The following ADARB2 variants were observed in gnomAD, a reference collection of about 807,000 sequenced individuals.
The protein encoded by ADARB2 is inactive double-stranded RNA-specific editase B2.
ADARB2 carries 25 observed loss-of-function variants against 62.2 expected under a neutral mutation model. The observed-to-expected ratio is 0.40, with a 90% CI of 0.29 to 0.56. ADARB2 has a LOEUF of 0.56. ADARB2 is among the 20% of genes least tolerant of loss of function. The probability of loss-of-function intolerance (pLI) is 0.43; values close to 1 mark genes in which losing one functional copy is unlikely to be tolerated. For missense variants in ADARB2, 1,071 were observed against 1,077.4 expected (o/e 0.99, Z 0.08); for synonymous variants, 572 against 500.8 (o/e 1.14, Z -1.90).
chr10:1,555,761 C>A (rs1832691485), intron 1 of ADARB2, among the ~76,000 whole-genome samples: 1 of 152,074 alleles, frequency 6.6e-6, no homozygotes, highest in Non-Finnish European at 1.5e-5. Context: ...ATGGTGAAAC[C>A]CTGTCTCTAC....
rs1056255276 is a variant in ADARB2 at position 1,423,212 on chromosome 10, C to T, written c.101-44052G>A. Among the ~76,000 whole-genome samples the T allele has an allele frequency of 6.6e-5, 10 of 152,234 alleles. 1 individual carries two copies. Among genetic ancestry groups the T allele is most frequent in the South Asian group, 4.1e-4 (2 of 4,838 alleles). On this transcript the variant is annotated intron_variant, in intron 1 of 9. Coordinates refer to ENST00000381312, the MANE Select transcript of ADARB2 (RefSeq NM_018702.4). ...CCCTCGCTAAGCTGGAGTCCTGGCCCGGGCCCTTGTCCCAGCTTCACGCCA... is the reference window on the plus strand; with the variant it reads ...CCCTCGCTAAGCTGGAGTCCTGGCCTGGGCCCTTGTCCCAGCTTCACGCCA...
intron 1 of ADARB2, among the ~76,000 whole-genome samples, chr10:1,457,416 G>A (rs948764336): frequency 3.9e-5 from 6 of 152,050 alleles, no homozygotes; most frequent in Admixed American, 1.3e-4. Flanking sequence ...TGATGCTCCT[G>A]GGGCCAGGCT....
At chr10:1,710,340 C>G (rs59933330) in intron 1 of ADARB2, among the ~76,000 whole-genome samples, 11,166 of 152,194 alleles carry the variant, frequency 0.073, 769 homozygotes, top group African/African-American at 0.17. Context: ...AGGCTGGGGC[C>G]TTGTGTGACA....
chr10:1,274,576 G>A (rs1294143105), intron 3 of ADARB2, among the ~76,000 whole-genome samples: 1 of 152,114 alleles, frequency 6.6e-6, no homozygotes, highest in Non-Finnish European at 1.5e-5. Flanking sequence ...AGGACATCAG[G>A]ATGGTCTCAG....
At chr10:1,498,775 A>G (rs1363167867) in intron 1 of ADARB2, among the ~76,000 whole-genome samples, 1 of 152,262 alleles carries the variant, frequency 6.6e-6, no homozygotes. Context: ...AATGTTGTTT[A>G]GAAATACATC....
chr10:1,541,113 C>T (rs61831933), intron 1 of ADARB2, among the ~76,000 whole-genome samples: 1,265 of 46,348 alleles, frequency 0.027, 1 homozygote, highest in East Asian at 0.051. Flanking sequence ...CCGTCCAGAC[C>T]CCACTCAGAC....
intron 1 of ADARB2, among the ~76,000 whole-genome samples, chr10:1,510,793 G>C (rs1207072428): frequency 2.0e-5 from 3 of 152,060 alleles, no homozygotes; most frequent in African/African-American, 7.2e-5. Flanking sequence ...AACACTGAAA[G>C]CTTTTGCCAC....
Position 1,509,828 on chromosome 10 carries a change from T to G in ADARB2, c.101-130668A>C, listed in dbSNP as rs1482632750. ...TGAGAGCCTGGCTAGGGATCTTATC[T>G]TAAAGGGGCATCAGCTAAAGCCATG... On this transcript the variant is annotated intron_variant, in intron 1 of 9. Transcript: ENST00000381312. 2.6e-5 allele frequency among the ~76,000 whole-genome samples: 4 copies of G among 152,234 alleles called. No individual in the cohort carries two copies. The South Asian group carries it at 8.3e-4, about 32-fold the overall frequency.
intron 4 of ADARB2, among the ~76,000 whole-genome samples, chr10:1,266,241 G>A (rs986517415): frequency 6.6e-6 from 1 of 152,232 alleles, no homozygotes; most frequent in Non-Finnish European, 1.5e-5. Flanking sequence ...GAGAGCAGCT[G>A]TCTTCGAGGT....
chr10:1,644,291 C>T (rs923494351), intron 1 of ADARB2, among the ~76,000 whole-genome samples: 5 of 152,274 alleles, frequency 3.3e-5, no homozygotes, highest in African/African-American at 9.6e-5. Context: ...GAACAGCACT[C>T]CATCAATGTC....
At chr10:1,269,963 A>T (rs1311051490) in intron 4 of ADARB2, among the ~76,000 whole-genome samples, 1 of 152,188 alleles carries the variant, frequency 6.6e-6, no homozygotes, top group African/African-American at 2.4e-5. Flanking sequence ...TATATACTGG[A>T]TGATGTGTTT....
At chr10:1,592,148 G>A (rs1270524225) in intron 1 of ADARB2, among the ~76,000 whole-genome samples, 1 of 152,194 alleles carries the variant, frequency 6.6e-6, no homozygotes, top group Non-Finnish European at 1.5e-5. Context: ...AGACACCCAG[G>A]ATGGGATAAA....
intron 7 of ADARB2, chr10:1,200,381 T>C (rs1223171218): frequency 5.3e-6 from 3 of 566,702 alleles, no homozygotes; most frequent in African/African-American, 3.8e-5. Flanking sequence ...GCTGCTCTCT[T>C]TTCTGAAAAT....
At chr10:1,617,682 C>G (rs1243344956) in intron 1 of ADARB2, among the ~76,000 whole-genome samples, 1 of 151,170 alleles carries the variant, frequency 6.6e-6, no homozygotes, top group South Asian at 2.1e-4. Flanking sequence ...ACACACTCCA[C>G]ACCGCCCTGC....
At chr10:1,609,134 T>C (rs1451228463) in intron 1 of ADARB2, among the ~76,000 whole-genome samples, 1 of 152,250 alleles carries the variant, frequency 6.6e-6, no homozygotes, top group Non-Finnish European at 1.5e-5. Context: ...TCAGGGAGCC[T>C]GACCCTGCTC....
intron 1 of ADARB2, among the ~76,000 whole-genome samples, chr10:1,601,774 C>T (rs998788971): frequency 6.6e-6 from 1 of 151,986 alleles, no homozygotes; most frequent in African/African-American, 2.4e-5. Context: ...TTCCATGCAT[C>T]TTTCAAAGAA....
chr10:1,199,860 C>T, intron 8 of ADARB2, 106 bp downstream of exon 8: 12 of 1,246,668 alleles, frequency 9.6e-6, no homozygotes, highest in Non-Finnish European at 1.3e-5. Flanking sequence ...TAAATTGCCA[C>T]TAGCCAACAT....
At chr10:1,524,057 T>C (rs375954768) in intron 1 of ADARB2, among the ~76,000 whole-genome samples, 2 of 120,150 alleles carry the variant, frequency 1.7e-5, no homozygotes, top group African/African-American at 2.9e-5. Context: ...CCTGGGGATA[T>C]GAAGATAGAT....
At chr10:1,620,940 G>C (rs567064242) in intron 1 of ADARB2, among the ~76,000 whole-genome samples, 2 of 152,276 alleles carry the variant, frequency 1.3e-5, no homozygotes, top group South Asian at 4.2e-4. Flanking sequence ...TAACAACTCT[G>C]AGTACAATGG....
Sources: allele counts gnomAD v4.1 joint callset (sites outside exome capture counted in the v4.1 genomes callset), GRCh38; gene constraint gnomAD v4.1.1; transcripts MANE v1.5; gene names NCBI Gene and HGNC (gene_info 2026-07-23, HGNC 2026-07-21).